Variants in SCN8A observed in about 807,000 individuals in gnomAD.
The protein encoded by SCN8A is sodium channel protein type 8 subunit alpha.
Under a neutral mutation model 184.1 loss-of-function variants are expected in SCN8A, and 30 were observed. The observed-to-expected ratio is 0.16, with a 90% CI of 0.12 to 0.22. The LOEUF (loss-of-function observed/expected upper bound fraction) is 0.22. Ranked by LOEUF, SCN8A falls within the 10% of genes least tolerant of loss-of-function variation. The pLI, the probability that SCN8A is intolerant of heterozygous loss-of-function variation, is 1.00. For missense variants in SCN8A, 1,057 were observed against 2,498.9 expected (o/e 0.42, Z 12.30); for synonymous variants, 852 against 907.0 (o/e 0.94, Z 1.09).
intron 1 of SCN8A, among the ~76,000 whole-genome samples, chr12:51,609,011 G>A (rs1256510216): frequency 6.6e-6 from 1 of 152,180 alleles, no homozygotes; most frequent in African/African-American, 2.4e-5. Context: ...TTCAGAAGCA[G>A]GTTACTTAAC....
At chr12:51,741,472 G>T (rs1019963971) in intron 12 of SCN8A, among the ~76,000 whole-genome samples, 2 of 152,020 alleles carry the variant, frequency 1.3e-5, no homozygotes, top group Non-Finnish European at 2.9e-5. Flanking sequence ...TGTTATTACT[G>T]ATAAGTTGGG....
intron 14 of SCN8A, among the ~76,000 whole-genome samples, chr12:51,752,689 G>A (rs1942614899): frequency 1.3e-5 from 2 of 152,198 alleles, no homozygotes; most frequent in African/African-American, 4.8e-5. Flanking sequence ...TCTTGAAATG[G>A]GACACTCCCA....
chr12:51,780,130 C>G (rs1039588756), intron 20 of SCN8A: 1 of 412,248 alleles, frequency 2.4e-6, no homozygotes, highest in Middle Eastern at 3.5e-4. Context: ...TCTTGGAAAG[C>G]CAATGGTGAA....
At chr12:51,739,705 C>T (rs1266579891) in intron 12 of SCN8A, among the ~76,000 whole-genome samples, 2 of 152,140 alleles carry the variant, frequency 1.3e-5, no homozygotes, top group Admixed American at 6.5e-5. Context: ...TTCCAAGCAT[C>T]GCTTCAGCAA....
intron 12 of SCN8A, among the ~76,000 whole-genome samples, chr12:51,726,858 A>C (rs1942162974): frequency 6.6e-6 from 1 of 152,166 alleles, no homozygotes; most frequent in Non-Finnish European, 1.5e-5. Context: ...TTGTTTGAGA[A>C]AGAGAAATTA....
chr12:51,766,823 C>T (rs1320339562), intron 16 of SCN8A, among the ~76,000 whole-genome samples: 1 of 152,128 alleles, frequency 6.6e-6, no homozygotes, highest in Non-Finnish European at 1.5e-5. Context: ...TCAGAATCTG[C>T]ATTTTTAACA....
intron 1 of SCN8A, among the ~76,000 whole-genome samples, chr12:51,609,208 G>C (rs917534743): frequency 6.6e-6 from 1 of 151,958 alleles, no homozygotes; most frequent in African/African-American, 2.4e-5. Flanking sequence ...TGTGTATTCT[G>C]TGGTTGTTGG....
chr12:51,762,569 T>C lies in SCN8A; in HGVS notation c.2437T>C (p.Phe813Leu). ...KLIAMDPYYY[F>L]QEGWNIFDGF... Reference sequence around the variant, plus strand: ...CATAGCCATGGATCCCTACTATTATTTCCAAGAAGGTTGGAACATTTTTGA... The same window carrying C: ...CATAGCCATGGATCCCTACTATTATCTCCAAGAAGGTTGGAACATTTTTGA... The change falls in exon 15 of 27, where the codon TTC becomes CTC. Residue 813 changes from phenylalanine (F) to leucine (L), a missense_variant. This residue lies in a region of SCN8A where 66 missense variants were observed against 310.6 expected (regional missense o/e 0.21). Transcript: ENST00000627620. The C allele has an allele frequency of 6.2e-7, 1 of 1,613,606 alleles. No individual in the cohort carries two copies. The highest frequency in any genetic ancestry group is 8.5e-7 in the Non-Finnish European group (1 of 1,179,758).
chr12:51,712,562 A>T (rs1308048802), intron 11 of SCN8A: 9 of 777,240 alleles, frequency 1.2e-5, no homozygotes, highest in Admixed American at 1.7e-5. Context: ...TCCCCCTTTC[A>T]TGGGTCCATA....
intron 16 of SCN8A, among the ~76,000 whole-genome samples, chr12:51,768,652 A>G (rs1446328185): frequency 2.6e-5 from 4 of 152,216 alleles, no homozygotes; most frequent in Admixed American, 2.6e-4. Context: ...AAAAGACCCA[A>G]GAAAAGAGGT....
intron 26 of SCN8A, 55 bp downstream of exon 26, chr12:51,794,696 G>T: frequency 6.5e-7 from 1 of 1,545,904 alleles, no homozygotes. Flanking sequence ...TGATTGTGAG[G>T]ATGAGATTTC....
intron 12 of SCN8A, among the ~76,000 whole-genome samples, chr12:51,726,010 G>A (rs1021749859): frequency 6.6e-6 from 1 of 152,178 alleles, no homozygotes; most frequent in Non-Finnish European, 1.5e-5. Flanking sequence ...CTTAGGCTAT[G>A]CCAAATCTAT....
At chr12:51,756,801 C>T (rs1942681930) in intron 14 of SCN8A, among the ~76,000 whole-genome samples, 1 of 152,206 alleles carries the variant, frequency 6.6e-6, no homozygotes, top group Non-Finnish European at 1.5e-5. Flanking sequence ...GCATGCCCAC[C>T]TACAGCCTTC....
chr12:51,664,539 G>T (rs1285403048), intron 2 of SCN8A, among the ~76,000 whole-genome samples: 2 of 151,902 alleles, frequency 1.3e-5, no homozygotes, highest in Non-Finnish European at 2.9e-5. Flanking sequence ...TTTAGTAAAT[G>T]TATTGTCCAA....
chr12:51,785,669 T>A (rs1938065200), intron 21 of SCN8A, among the ~76,000 whole-genome samples: 1 of 152,222 alleles, frequency 6.6e-6, no homozygotes, highest in Non-Finnish European at 1.5e-5. Context: ...CTTTTGCTTT[T>A]TTTTTATTCC....
intron 11 of SCN8A, 80 bp downstream of exon 11, chr12:51,706,795 T>A: frequency 9.9e-7 from 1 of 1,006,552 alleles, no homozygotes; most frequent in Non-Finnish European, 1.4e-6. Flanking sequence ...TATTATACCA[T>A]CTTTACCATT....
intron 3 of SCN8A, among the ~76,000 whole-genome samples, chr12:51,685,838 AC>A (rs1259470865): frequency 6.6e-6 from 1 of 152,168 alleles, no homozygotes; most frequent in African/African-American, 2.4e-5. Flanking sequence ...GGGCTTCAAG[AC>A]CAGCCTGGAT....
chr12:51,623,771 C>T (rs532319481), intron 1 of SCN8A, among the ~76,000 whole-genome samples: 1 of 152,158 alleles, frequency 6.6e-6, no homozygotes, highest in Admixed American at 6.5e-5. Context: ...CTCCTCCCCC[C>T]ACCCCACAAC....
At chr12:51,670,738 G>T (rs753852067) in intron 2 of SCN8A, among the ~76,000 whole-genome samples, 4 of 152,162 alleles carry the variant, frequency 2.6e-5, no homozygotes, top group Non-Finnish European at 5.9e-5. Flanking sequence ...GAGTTACAGT[G>T]GTGGGAGTGG....
Sources: gnomAD v4.1 joint callset for allele counts (sites outside exome capture counted in the v4.1 genomes callset) on GRCh38, gnomAD v4.1.1 for gene constraint, gnomAD v4.1.1 regional missense constraint, MANE v1.5 for transcripts, NCBI Gene and HGNC (gene_info 2026-07-23, HGNC 2026-07-21) for gene names.